The following SDK1 variants were observed in gnomAD, a reference collection of about 807,000 sequenced individuals.
SDK1 encodes the protein sidekick cell adhesion molecule 1.
In SDK1, 157 loss-of-function variants were observed where a neutral mutation model predicts 245.5. That is an observed-to-expected ratio of 0.64 (90% confidence interval 0.56 to 0.73). SDK1 has a LOEUF of 0.73. Among genes scored for constraint, SDK1 ranks in the 30% least tolerant of loss-of-function variants. SDK1 has a pLI of 0.00. For synonymous variants in SDK1, 1,647 were observed against 1,278.5 expected, an observed-to-expected ratio of 1.29 and a Z score of -6.15; for missense variants, 3,583 against 3,002.3, an observed-to-expected ratio of 1.19 and a Z score of -4.52.
intron 4 of SDK1, among the ~76,000 whole-genome samples, chr7:3,693,233 ATCTCTG>A (rs1375213862): frequency 2.0e-5 from 3 of 152,002 alleles, no homozygotes; most frequent in Non-Finnish European, 4.4e-5. Context: ...TTTCTTCATT[ATCTCTG>A]TTCTTTTGTA....
intron 13 of SDK1, among the ~76,000 whole-genome samples, chr7:3,980,677 C>G (rs886621539): frequency 3.3e-5 from 5 of 152,236 alleles, no homozygotes; most frequent in African/African-American, 1.2e-4. Flanking sequence ...GCCGCAGAGG[C>G]TCACGCCTGT....
chr7:3,754,319 C>G (rs900974348), intron 4 of SDK1, among the ~76,000 whole-genome samples: 5 of 152,098 alleles, frequency 3.3e-5, no homozygotes, highest in African/African-American at 9.7e-5. Context: ...ATTGTTTTGT[C>G]AAGATAATTT....
rs753634075 is a variant in SDK1 at position 3,821,418 on chromosome 7, C to T, written c.714-32C>T. On this transcript the variant is annotated intron_variant, in intron 4 of 44. Coordinates refer to ENST00000404826, the MANE Select transcript of SDK1 (RefSeq NM_152744.4). ...ACAAGTAGGAAGTTCCCTGGAGTAG[C>T]TTTGACACTGTCCTCTTCTTTTCTG... 9 of 1,600,902 alleles carry T rather than the reference C, an allele frequency of 5.6e-6. 1 individual carries two copies. The South Asian group carries it at 7.9e-5, about 14-fold the overall frequency.
chr7:3,795,760 A>G (rs1362541742), intron 4 of SDK1, among the ~76,000 whole-genome samples: 3 of 152,176 alleles, frequency 2.0e-5, no homozygotes, highest in Admixed American at 6.5e-5. Flanking sequence ...TTCTTCCCAT[A>G]TTATACAGTT....
intron 5 of SDK1, among the ~76,000 whole-genome samples, chr7:3,851,129 G>C (rs1273168567): frequency 6.6e-6 from 1 of 152,092 alleles, no homozygotes. Context: ...TATACCCTAC[G>C]TGTTGGCATT....
At chr7:4,049,523 C>A in intron 18 of SDK1, 60 bp downstream of exon 18, 1 of 1,332,190 alleles carries the variant, frequency 7.5e-7, no homozygotes, top group Non-Finnish European at 1.1e-6. Flanking sequence ...CACAGCGCGA[C>A]GCAGCTGGAG....
At chr7:4,020,241 G>C (rs1242553279) in intron 17 of SDK1, among the ~76,000 whole-genome samples, 2 of 152,124 alleles carry the variant, frequency 1.3e-5, no homozygotes, top group African/African-American at 2.4e-5. Flanking sequence ...GGACGTGGCT[G>C]GGGTCAGGCA....
At chr7:3,823,539 C>T (rs16870951) in intron 5 of SDK1, among the ~76,000 whole-genome samples, 1 of 152,176 alleles carries the variant, frequency 6.6e-6, no homozygotes, top group Middle Eastern at 3.2e-3. Context: ...AACCGCTGTA[C>T]TAGCGTAATA....
intron 4 of SDK1, among the ~76,000 whole-genome samples, chr7:3,675,513 T>G (rs1783864143): frequency 6.6e-6 from 1 of 152,164 alleles, no homozygotes. Context: ...CCTACAAAAG[T>G]CTACATAATA....
chr7:4,211,102 G>A (rs1030114417), intron 38 of SDK1, among the ~76,000 whole-genome samples: 1 of 152,162 alleles, frequency 6.6e-6, no homozygotes, highest in African/African-American at 2.4e-5. Context: ...CACAGGAGCA[G>A]GAGGACCTGA....
intron 1 of SDK1, among the ~76,000 whole-genome samples, chr7:3,380,663 C>T (rs1383709820): frequency 1.3e-5 from 2 of 152,146 alleles, no homozygotes; most frequent in Non-Finnish European, 2.9e-5. Flanking sequence ...TGTAGGGGAG[C>T]TATGTCATTA....
intron 1 of SDK1, among the ~76,000 whole-genome samples, chr7:3,515,102 G>A (rs142609711): frequency 6.6e-6 from 1 of 152,156 alleles, no homozygotes; most frequent in African/African-American, 2.4e-5. Flanking sequence ...TGAGAGAAGC[G>A]GGGAGGCTGG....
chr7:4,261,392 C>G, intron 44 of SDK1, among the ~76,000 whole-genome samples: 1 of 151,850 alleles, frequency 6.6e-6, no homozygotes, highest in East Asian at 1.9e-4. Context: ...CCATCCCCTG[C>G]CCACCCCCGC....
intron 5 of SDK1, among the ~76,000 whole-genome samples, chr7:3,895,036 T>C (rs1335966668): frequency 6.6e-6 from 1 of 152,204 alleles, no homozygotes; most frequent in African/African-American, 2.4e-5. Context: ...TACATTTTAC[T>C]GATTCATTCC....
At chr7:3,642,832 G>C (rs1037083882) in intron 4 of SDK1, 1 of 152,170 alleles carries the variant, frequency 6.6e-6, no homozygotes, top group Non-Finnish European at 1.5e-5. Flanking sequence ...AAGGTTTCAA[G>C]GCTGAACATT....
chr7:4,086,883 T>C (rs1294201541), intron 22 of SDK1, among the ~76,000 whole-genome samples: 1 of 152,182 alleles, frequency 6.6e-6, no homozygotes, highest in Non-Finnish European at 1.5e-5. Context: ...TTTGCCACTG[T>C]ATCTTTGGGG....
At chr7:3,561,581 G>C (rs1779753734) in intron 1 of SDK1, among the ~76,000 whole-genome samples, 1 of 152,176 alleles carries the variant, frequency 6.6e-6, no homozygotes, top group African/African-American at 2.4e-5. Context: ...GGTCAGGTGT[G>C]ATTCCTGGCA....
intron 9 of SDK1, among the ~76,000 whole-genome samples, chr7:3,966,968 G>C (rs1782128662): frequency 2.0e-5 from 3 of 152,134 alleles, no homozygotes; most frequent in Admixed American, 6.5e-5. Context: ...ATATAGGCAT[G>C]GGCTACCTTT....
intron 16 of SDK1, 93 bp downstream of exon 16, chr7:4,012,328 A>G (rs1433896924): frequency 1.5e-6 from 2 of 1,324,106 alleles, no homozygotes. Flanking sequence ...TGTAAGAGCC[A>G]AACAGGAACC....
Sources: allele counts gnomAD v4.1 joint callset (sites outside exome capture counted in the v4.1 genomes callset), GRCh38; gene constraint gnomAD v4.1.1; transcripts MANE v1.5; gene names NCBI Gene and HGNC (gene_info 2026-07-23, HGNC 2026-07-21).